CCDC192: variants seen among roughly 807,000 people sequenced by gnomAD.
CCDC192 encodes coiled-coil domain containing 192.
intron 5 of CCDC192, among the ~76,000 whole-genome samples, chr5:127,835,150 A>G (rs1267741389): frequency 6.6e-6 from 1 of 152,206 alleles, no homozygotes; most frequent in Non-Finnish European, 1.5e-5. Context: ...ATGTGGTTCT[A>G]TGGTATGTGT....
intron 6 of CCDC192, among the ~76,000 whole-genome samples, chr5:127,894,690 TC>T (rs1443700185): frequency 6.6e-6 from 1 of 152,180 alleles, no homozygotes; most frequent in Admixed American, 6.5e-5. Flanking sequence ...TTGCATTGTT[TC>T]CAGGTGCCTG....
At chr5:127,761,090 T>C (rs997724684) in intron 3 of CCDC192, among the ~76,000 whole-genome samples, 1 of 152,210 alleles carries the variant, frequency 6.6e-6, no homozygotes, top group African/African-American at 2.4e-5. Flanking sequence ...TCAAGCCCAT[T>C]CTGGCTTATT....
At chr5:127,754,674 CCTT>C (rs2126875132) in intron 3 of CCDC192, among the ~76,000 whole-genome samples, 1 of 152,164 alleles carries the variant, frequency 6.6e-6, no homozygotes, top group Non-Finnish European at 1.5e-5. Flanking sequence ...GTTAGGCAAA[CCTT>C]CTTTAACTAA....
In CCDC192 at chr5:127,841,983, G is replaced by A. The variant is rs539595578; in HGVS notation, c.412-33555G>A. Reference sequence around the variant, plus strand: ...AATGAGGACAGAAAAGGGAGTGACAGAGGCTGTGTTGACCCAGAGAAGACA... The same window carrying A: ...AATGAGGACAGAAAAGGGAGTGACAAAGGCTGTGTTGACCCAGAGAAGACA... On this transcript the variant is annotated intron_variant, in intron 5 of 6. Coordinates refer to ENST00000514853, the MANE Select transcript of CCDC192 (RefSeq NM_001317938.2). 2.0e-5 allele frequency among the ~76,000 whole-genome samples: 3 copies of A among 152,342 alleles called. No homozygotes were observed. The East Asian group carries it at 5.8e-4, about 29-fold the overall frequency.
At chr5:127,900,740 T>C (rs1561545066) in intron 6 of CCDC192, among the ~76,000 whole-genome samples, 1 of 152,142 alleles carries the variant, frequency 6.6e-6, no homozygotes, top group African/African-American at 2.4e-5. Context: ...ATGGATAGAG[T>C]GGCTTGGCTT....
At chr5:127,844,992 A>G (rs551133410) in intron 5 of CCDC192, among the ~76,000 whole-genome samples, 1 of 152,322 alleles carries the variant, frequency 6.6e-6, no homozygotes, top group Non-Finnish European at 1.5e-5. Context: ...TTCTTTGAAG[A>G]TAGCAAGATT....
intron 2 of CCDC192, among the ~76,000 whole-genome samples, chr5:127,746,728 C>T (rs537803372): frequency 6.6e-6 from 1 of 152,102 alleles, no homozygotes; most frequent in South Asian, 2.1e-4. Context: ...GATATTCCTC[C>T]CCTAATGGCA....
chr5:127,824,096 C>A (rs1187845166), intron 5 of CCDC192, among the ~76,000 whole-genome samples: 1 of 152,134 alleles, frequency 6.6e-6, no homozygotes, highest in Non-Finnish European at 1.5e-5. Flanking sequence ...TACTGCTTGC[C>A]CTTAGGGAAA....
At chr5:127,838,495 G>A (rs1157472715) in intron 5 of CCDC192, 2 of 152,188 alleles carry the variant, frequency 1.3e-5, no homozygotes, top group African/African-American at 4.8e-5. Flanking sequence ...AATTGACAGT[G>A]TTTATTTTCT....
chr5:127,913,066 T>C (rs1175606383), intron 6 of CCDC192, among the ~76,000 whole-genome samples: 1 of 152,176 alleles, frequency 6.6e-6, no homozygotes, highest in Non-Finnish European at 1.5e-5. Flanking sequence ...TTTCTGGAGA[T>C]AGCATGATTC....
At chr5:127,821,973 T>C (rs1233938168) in intron 5 of CCDC192, among the ~76,000 whole-genome samples, 1 of 152,158 alleles carries the variant, frequency 6.6e-6, no homozygotes, top group Non-Finnish European at 1.5e-5. Flanking sequence ...AAGGGAAGAT[T>C]TAAAGAAATT....
At chr5:127,929,881 A>T (rs954666540) in intron 6 of CCDC192, among the ~76,000 whole-genome samples, 3 of 152,198 alleles carry the variant, frequency 2.0e-5, no homozygotes, top group East Asian at 1.9e-4. Flanking sequence ...AAAGTCCCAC[A>T]TTTGACACTA....
At chr5:127,774,487 C>G (rs1755746889) in intron 3 of CCDC192, among the ~76,000 whole-genome samples, 2 of 152,186 alleles carry the variant, frequency 1.3e-5, no homozygotes, top group African/African-American at 4.8e-5. Flanking sequence ...CCATTTGTGC[C>G]AGCACCATTT....
intron 6 of CCDC192, among the ~76,000 whole-genome samples, chr5:127,900,926 A>G (rs549840264): frequency 7.2e-5 from 11 of 152,338 alleles, no homozygotes; most frequent in Middle Eastern, 3.4e-3. Context: ...GGTCTTACTA[A>G]ACAGTCCCTC....
chr5:127,713,815 A>G (rs1310681845), intron 2 of CCDC192, among the ~76,000 whole-genome samples: 2 of 152,212 alleles, frequency 1.3e-5, no homozygotes, highest in African/African-American at 4.8e-5. Flanking sequence ...GATAATTAGC[A>G]TATCTATTAC....
intron 5 of CCDC192, among the ~76,000 whole-genome samples, chr5:127,850,621 A>G (rs1296833478): frequency 6.6e-6 from 1 of 152,180 alleles, no homozygotes; most frequent in South Asian, 2.1e-4. Context: ...TTTGAGATGC[A>G]CAGGAAAGGG....
At chr5:127,936,742 T>C (rs1754196947) in intron 6 of CCDC192, among the ~76,000 whole-genome samples, 1 of 152,232 alleles carries the variant, frequency 6.6e-6, no homozygotes, top group South Asian at 2.1e-4. Context: ...TCCTGGATCC[T>C]GTGGGTGTGG....
At chr5:127,908,034 C>A (rs937668991) in intron 6 of CCDC192, among the ~76,000 whole-genome samples, 64 of 152,184 alleles carry the variant, frequency 4.2e-4, no homozygotes, top group Non-Finnish European at 1.0e-4. Flanking sequence ...AAGACTACAA[C>A]CACAATTTAA....
intron 6 of CCDC192, among the ~76,000 whole-genome samples, chr5:127,882,801 C>T (rs1221580161): frequency 2.0e-5 from 3 of 152,150 alleles, no homozygotes; most frequent in Non-Finnish European, 2.9e-5. Flanking sequence ...TAAGACTAGG[C>T]GTGAATAGTT....
Sources: allele counts gnomAD v4.1 joint callset (sites outside exome capture counted in the v4.1 genomes callset), GRCh38; gene constraint gnomAD v4.1.1; transcripts MANE v1.5; gene names NCBI Gene and HGNC (gene_info 2026-07-23, HGNC 2026-07-21).